The following SPTBN4 variants were observed in gnomAD, a reference collection of about 807,000 sequenced individuals.
The protein encoded by SPTBN4 is spectrin beta, non-erythrocytic 4, also known as spectrin beta chain, non-erythrocytic 4.
Under a neutral mutation model 277.8 loss-of-function variants are expected in SPTBN4, and 96 were observed. The ratio of observed to expected loss-of-function variants is 0.35; its 90% CI spans 0.29 to 0.41. SPTBN4 has a LOEUF of 0.41. Ranked by LOEUF, SPTBN4 falls within the 10% of genes least tolerant of loss-of-function variation. The probability of loss-of-function intolerance (pLI) is 1.00; values close to 1 mark genes in which losing one functional copy is unlikely to be tolerated. For synonymous variants in SPTBN4, 1,481 were observed against 1,580.3 expected, an observed-to-expected ratio of 0.94 and a Z score of 1.49; for missense variants, 3,006 against 3,595.7, an observed-to-expected ratio of 0.84 and a Z score of 4.19.
At chr19:40,484,665 C>G (rs939505670) in intron 2 of SPTBN4, among the ~76,000 whole-genome samples, 1 of 151,870 alleles carries the variant, frequency 6.6e-6, no homozygotes, top group African/African-American at 2.4e-5. Context: ...AGGTGGCTCA[C>G]GCCTGTAATC....
intron 1 of SPTBN4, among the ~76,000 whole-genome samples, chr19:40,471,139 G>T (rs2145795428): frequency 6.6e-6 from 1 of 151,968 alleles, no homozygotes; most frequent in African/African-American, 2.4e-5. Flanking sequence ...TAGAGACAGG[G>T]TTTCACCATG....
Position 40,560,308 on chromosome 19 carries a change from C to G in SPTBN4, c.5820C>G (p.Ser1940=). The G allele has an allele frequency of 6.2e-7, 1 of 1,614,120 alleles. No individual in the cohort carries two copies. Among genetic ancestry groups the G allele is most frequent in the Non-Finnish European group, 8.5e-7 (1 of 1,180,008 alleles). Residue 1940 remains serine, a synonymous_variant, in exon 27 of 36, where the codon TCC becomes TCG. Coordinates refer to ENST00000598249, the MANE Select transcript of SPTBN4 (RefSeq NM_020971.3). This position sits in a 1 kb window ranked among gnomAD's most constrained non-coding sequence, Gnocchi z 5.2. Reference sequence around the variant, plus strand: ...AGGATGCCCGCCTGCATGTCAGCTCCACAGCCGACGCCCTGCGCTTCCACA... The same window carrying G: ...AGGATGCCCGCCTGCATGTCAGCTCGACAGCCGACGCCCTGCGCTTCCACA... The part of the protein sequence containing the change: ...ACEDARLHVS[S]TADALRFHSQ...
chr19:40,527,963 G>A (rs1013865855), intron 17 of SPTBN4, among the ~76,000 whole-genome samples: 7 of 151,252 alleles, frequency 4.6e-5, no homozygotes, highest in African/African-American at 7.3e-5. Context: ...GGCTGAGGCC[G>A]GAGAATCGCT....
chr19:40,512,517 C>G lies in SPTBN4; in HGVS notation c.1817-89C>G, dbSNP rs966889286. On this transcript the variant is annotated intron_variant, in intron 13 of 35. Coordinates refer to ENST00000598249, the MANE Select transcript of SPTBN4 (RefSeq NM_020971.3). The stretch of plus-strand genomic sequence containing the variant: ...GACCCGGCATCTGATGAAGTCACAC[C>G]AAGGACAGGGTAGGTAGCCCGCACC... 6.4e-6 allele frequency: 9 copies of G among 1,402,634 alleles called. No individual in the cohort carries two copies. The African/African-American group carries it at 1.2e-4, about 19-fold the overall frequency. 86.9% of individuals were successfully genotyped at this position (1,402,634 alleles called of 1,614,324 possible).
intron 12 of SPTBN4, 28 bp from the exon 13 acceptor site, chr19:40,506,208 G>A (rs2080328153): frequency 6.3e-7 from 1 of 1,593,082 alleles, no homozygotes; most frequent in Admixed American, 1.7e-5. Flanking sequence ...AGTGCCAGAG[G>A]TGTGCTCAGT....
intron 20 of SPTBN4, among the ~76,000 whole-genome samples, chr19:40,540,247 A>G (rs2080784474): frequency 6.6e-6 from 1 of 152,078 alleles, no homozygotes; most frequent in African/African-American, 2.4e-5. Flanking sequence ...TTTAACTGTC[A>G]TAAAACTGAG....
chr19:40,477,222 A>AT (rs1461517247), intron 2 of SPTBN4, among the ~76,000 whole-genome samples: 2 of 151,460 alleles, frequency 1.3e-5, no homozygotes, highest in Non-Finnish European at 2.9e-5. Flanking sequence ...TTATTATTTT[A>AT]TTTTTTTATA....
chr19:40,531,021 GGAGGTGA>G (rs1397031294), intron 18 of SPTBN4, among the ~76,000 whole-genome samples: 1 of 151,490 alleles, frequency 6.6e-6, no homozygotes, highest in African/African-American at 2.4e-5. Flanking sequence ...CTTGGATGAT[GGAGGTGA>G]ATCACTTTTG....
At chr19:40,480,495 C>T (rs2079999111) in intron 2 of SPTBN4, among the ~76,000 whole-genome samples, 1 of 152,126 alleles carries the variant, frequency 6.6e-6, no homozygotes, top group Non-Finnish European at 1.5e-5. Flanking sequence ...TCACTACAGT[C>T]CAAGGGTGTA....
At position 40,549,206 on chromosome 19, in the gene SPTBN4, GGA is replaced by G. The variant is rs1163909487; in HGVS notation, c.4379_4380del (p.Glu1460GlyfsTer28). On this transcript the variant is annotated frameshift_variant, in exon 21 of 36. Coordinates refer to ENST00000598249, the MANE Select transcript of SPTBN4 (RefSeq NM_020971.3). LOFTEE classifies it high-confidence loss of function. ...CCCCACAGTCCATGGAGTCGCAGGT[GGA>G]GGAGTGGTACCGCGAGGTGGGAGAG... ...KKLQSMESQV[E>X]EWYREVGELQ... 6.5e-7 allele frequency: 1 copy of G among 1,546,850 alleles called. No individual in the cohort carries two copies. The highest frequency in any genetic ancestry group is 8.7e-7 in the Non-Finnish European group (1 of 1,146,592).
At chr19:40,528,013 G>A (rs962422883) in intron 17 of SPTBN4, among the ~76,000 whole-genome samples, 3 of 135,840 alleles carry the variant, frequency 2.2e-5, no homozygotes, top group South Asian at 2.5e-4. Flanking sequence ...CCGAGATCAC[G>A]CCACTGCACT....
At chr19:40,540,814 CAAAAAAA>C (rs58695945) in intron 20 of SPTBN4, among the ~76,000 whole-genome samples, 107 of 79,336 alleles carry the variant, frequency 1.3e-3, no homozygotes, top group East Asian at 0.011. Flanking sequence ...ACCCCCATCT[CAAAAAAA>C]AAAAAAAAAA....
Position 40,575,709 on chromosome 19 carries a change from G to C in SPTBN4, c.*140G>C. Reference sequence around the variant, plus strand: ...GTGACATGGTGGGCACCGGAAAGGAGGGGACTTCTCCTGCACCCCAAGAAG... The same window carrying C: ...GTGACATGGTGGGCACCGGAAAGGACGGGACTTCTCCTGCACCCCAAGAAG... On this transcript the variant is annotated 3_prime_UTR_variant, in exon 36 of 36. Coordinates refer to ENST00000598249, the MANE Select transcript of SPTBN4 (RefSeq NM_020971.3). 7.2e-6 allele frequency: 8 copies of C among 1,114,020 alleles called. No homozygotes were observed. The highest frequency in any genetic ancestry group is 9.9e-6 in the Non-Finnish European group (8 of 810,284). The allele number at this position is 1,114,020 out of a possible 1,614,324, so 69.0% of individuals were successfully genotyped here.
intron 2 of SPTBN4, among the ~76,000 whole-genome samples, chr19:40,482,566 T>C (rs915589668): frequency 1.3e-5 from 2 of 152,224 alleles, no homozygotes; most frequent in Non-Finnish European, 2.9e-5. Context: ...TGATATTTCA[T>C]GAGAAGCCCA....
In SPTBN4 at chr19:40,520,897, T is replaced by C. The variant is rs2080519150; in HGVS notation, c.3654+746T>C. 6.6e-5 allele frequency among the ~76,000 whole-genome samples: 10 copies of C among 151,922 alleles called. No individual in the cohort carries two copies. The South Asian group carries it at 2.1e-3, about 32-fold the overall frequency. The stretch of plus-strand genomic sequence containing the variant: ...GTTATATAAGGGATGCTGACCCAGT[T>C]TGAGGATTATCTACAGCAGTGGTCC... On this transcript the variant is annotated intron_variant, in intron 16 of 35. Transcript: ENST00000598249.
At chr19:40,509,056 T>G (rs1427755754) in intron 13 of SPTBN4, among the ~76,000 whole-genome samples, 2 of 151,632 alleles carry the variant, frequency 1.3e-5, no homozygotes, top group East Asian at 3.9e-4. Context: ...TCTGTGAGTT[T>G]TTTTTATTAT....
chr19:40,557,305 C>A lies in SPTBN4; in HGVS notation c.5572C>A (p.Pro1858Thr). 1 of 1,613,292 alleles carries A rather than the reference C, an allele frequency of 6.2e-7. No homozygotes were observed. Among genetic ancestry groups the A allele is most frequent in the East Asian group, 2.2e-5 (1 of 44,856 alleles). The change falls in exon 26 of 36, where the codon CCC (proline) becomes ACC (threonine). Residue 1858 changes from proline to threonine, a missense_variant. Coordinates refer to ENST00000598249, the MANE Select transcript of SPTBN4 (RefSeq NM_020971.3). ...GATTGAGGAGAAGCGGAGGCGGCTG[C>A]CCCGCCTGACCACCCCGCCTGAGCC... ...GQIEEKRRRL[P>T]RLTTPPEPRP...
chr19:40,503,084 G>GAAGGCCAAGTCT, intron 11 of SPTBN4, 151 bp downstream of exon 11: 1 of 1,027,208 alleles, frequency 9.7e-7, no homozygotes, highest in Non-Finnish European at 1.4e-6. Context: ...GGGAGACTTG[G>GAAGGCCAAGTCT]CCTTCCAAGT....
chr19:40,543,496 A>G (rs1250495758), intron 20 of SPTBN4, among the ~76,000 whole-genome samples: 5 of 152,002 alleles, frequency 3.3e-5, no homozygotes, highest in Non-Finnish European at 7.4e-5. Context: ...GAGAGGATGG[A>G]TTTTGGGCAG....
Sources: gnomAD v4.1 joint callset for allele counts (sites outside exome capture counted in the v4.1 genomes callset) on GRCh38, gnomAD v4.1.1 for gene constraint, Gnocchi (gnomAD v3.1) non-coding constraint, MANE v1.5 for transcripts, NCBI Gene and HGNC (gene_info 2026-07-23, HGNC 2026-07-21) for gene names.